Variants in SLIT1 observed in about 807,000 individuals in gnomAD.
The protein encoded by SLIT1 is slit homolog 1 protein.
Under a neutral mutation model 186.1 loss-of-function variants are expected in SLIT1, and 66 were observed. That is an observed-to-expected ratio of 0.35 (90% confidence interval 0.29 to 0.44). The LOEUF (loss-of-function observed/expected upper bound fraction) is 0.44. Among genes scored for constraint, SLIT1 ranks in the 20% least tolerant of loss-of-function variants. The pLI is 1.00. For synonymous variants in SLIT1, 761 were observed against 833.8 expected, an observed-to-expected ratio of 0.91 and a Z score of 1.50; for missense variants, 1,638 against 2,037.4, an observed-to-expected ratio of 0.80 and a Z score of 3.77.
intron 35 of SLIT1, among the ~76,000 whole-genome samples, 163 bp downstream of exon 35, chr10:97,002,541 T>C (rs748658974): frequency 6.6e-6 from 1 of 151,382 alleles, no homozygotes; most frequent in Non-Finnish European, 1.5e-5. Context: ...TGTGTCCCTA[T>C]AGGCCTTGTC....
intron 4 of SLIT1, among the ~76,000 whole-genome samples, chr10:97,116,080 A>T (rs1299722943): frequency 1.3e-5 from 2 of 152,172 alleles, no homozygotes; most frequent in African/African-American, 2.4e-5. Flanking sequence ...TCTGAGCTTA[A>T]TGTAAAAGTA....
chr10:97,097,053 C>T (rs891856445), intron 4 of SLIT1, among the ~76,000 whole-genome samples: 30 of 152,280 alleles, frequency 2.0e-4, no homozygotes, highest in African/African-American at 5.5e-4. Flanking sequence ...GAGTGCACAG[C>T]GCCTGGCACC....
intron 1 of SLIT1, among the ~76,000 whole-genome samples, chr10:97,165,908 C>T (rs1282156447): frequency 6.6e-6 from 1 of 152,162 alleles, no homozygotes; most frequent in Non-Finnish European, 1.5e-5. Context: ...CGCTCAGCCT[C>T]ACCAAGGCAG....
intron 11 of SLIT1, among the ~76,000 whole-genome samples, chr10:97,057,547 G>A (rs927656279): frequency 7.9e-5 from 12 of 152,354 alleles, no homozygotes; most frequent in Admixed American, 3.3e-4. Flanking sequence ...CTGCTTCACC[G>A]CCCTCACACG....
intron 1 of SLIT1, among the ~76,000 whole-genome samples, chr10:97,181,345 C>T (rs1850335794): frequency 6.6e-6 from 1 of 152,244 alleles, no homozygotes; most frequent in African/African-American, 2.4e-5. Flanking sequence ...GGTCACCATC[C>T]AATTATTATT....
In SLIT1 at chr10:97,010,208, G is replaced by T. The variant is rs1422732239; in HGVS notation, c.3341+785C>A. On this transcript the variant is annotated intron_variant, in intron 31 of 36. Coordinates refer to ENST00000266058, the MANE Select transcript of SLIT1 (RefSeq NM_003061.3). This position sits in a 1 kb window ranked among gnomAD's most constrained non-coding sequence, Gnocchi z 4.8. ...AAACAAAATGTGGTATGTCCATACG[G>T]CAGAACACTGTTTAGCCATAAGAAG... 2.0e-5 allele frequency among the ~76,000 whole-genome samples: 3 copies of T among 152,226 alleles called. No homozygotes were observed. The highest frequency in any genetic ancestry group is 7.2e-5 in the African/African-American group (3 of 41,462).
At chr10:97,078,782 C>T (rs1456131723) in intron 4 of SLIT1, among the ~76,000 whole-genome samples, 1 of 152,234 alleles carries the variant, frequency 6.6e-6, no homozygotes, top group Non-Finnish European at 1.5e-5. Context: ...CATGTGAACA[C>T]CAGGGCGAGG....
At chr10:97,037,251 T>C (rs1848648889) in intron 22 of SLIT1, among the ~76,000 whole-genome samples, 1 of 152,008 alleles carries the variant, frequency 6.6e-6, no homozygotes, top group African/African-American at 2.4e-5. Context: ...TGTGCCACCA[T>C]GCCCGGCTAA....
chr10:97,172,230 G>A (rs763455817), intron 1 of SLIT1, among the ~76,000 whole-genome samples: 1 of 152,012 alleles, frequency 6.6e-6, no homozygotes, highest in Non-Finnish European at 1.5e-5. Context: ...ATTTTTAGTA[G>A]AGGCAGGGTT....
chr10:97,057,399 C>T, intron 11 of SLIT1, 118 bp from the exon 12 acceptor site: 1 of 695,330 alleles, frequency 1.4e-6, no homozygotes, highest in East Asian at 2.6e-5. Flanking sequence ...TGGAGCACAT[C>T]CTAATGGTGT....
rs372573913 is a variant in SLIT1 at position 97,151,407 on chromosome 10, G to A, written c.413+6411C>T. 4.6e-5 allele frequency among the ~76,000 whole-genome samples: 7 copies of A among 151,904 alleles called. No homozygotes were observed. In the South Asian group the frequency reaches 1.0e-3, roughly 23 times the overall value. On this transcript the variant is annotated intron_variant, in intron 4 of 36. Coordinates refer to ENST00000266058, the MANE Select transcript of SLIT1 (RefSeq NM_003061.3). ...GGGAGAGTGGATGGATAGGCAGGTG[G>A]TGAGTGGGTGGGGAGTGCTGGATGG...
intron 1 of SLIT1, among the ~76,000 whole-genome samples, chr10:97,166,608 AAAG>A (rs1850119091): frequency 2.6e-5 from 2 of 75,598 alleles, no homozygotes; most frequent in Non-Finnish European, 5.4e-5. Flanking sequence ...AGAAAGAAAG[AAAG>A]AAAGAAAGAA....
In SLIT1 at chr10:97,056,380, G is replaced by T; in HGVS notation, c.1242C>A (p.Asp414Glu). ...LQNLSLLSLY[D>E]NKIQSLAKGT... ...CCTTGGCGAGGCTCTGGATCTTGTTGTCATACAGGGAGAGCAGTGAGAGGT... is the reference window on the plus strand; with the variant it reads ...CCTTGGCGAGGCTCTGGATCTTGTTTTCATACAGGGAGAGCAGTGAGAGGT... Residue 414 changes from aspartate (D) to glutamate (E), a missense_variant, in exon 13 of 37, where the codon GAC becomes GAA. This residue lies in a region of SLIT1 where 1,245 missense variants were observed against 1,535.3 expected (regional missense o/e 0.81). Transcript: ENST00000266058. 1 of 1,614,214 alleles carries T rather than the reference G, an allele frequency of 6.2e-7. No homozygotes were observed. Among genetic ancestry groups the T allele is most frequent in the Non-Finnish European group, 8.5e-7 (1 of 1,180,030 alleles).
chr10:97,074,844 G>A (rs1208130515), intron 4 of SLIT1, among the ~76,000 whole-genome samples: 2 of 152,228 alleles, frequency 1.3e-5, no homozygotes, highest in Non-Finnish European at 2.9e-5. Context: ...CCTCTCCCAG[G>A]GCTGGAGGAG....
chr10:97,000,937 A>G lies in SLIT1; in HGVS notation c.*175T>C. 1.7e-6 allele frequency: 1 copy of G among 600,442 alleles called. No homozygotes were observed. The highest frequency in any genetic ancestry group is 2.8e-5 in the East Asian group (1 of 35,930). 37.2% of individuals were successfully genotyped at this position (600,442 alleles called of 1,614,324 possible). Reference sequence around the variant, plus strand: ...TCGCCCACCCCCGCTGCCCCCAGCTATGGCGCAATTTGCTTTTAAAAGGCT... The same window carrying G: ...TCGCCCACCCCCGCTGCCCCCAGCTGTGGCGCAATTTGCTTTTAAAAGGCT... On this transcript the variant is annotated 3_prime_UTR_variant, in exon 37 of 37. Transcript: ENST00000266058.
At chr10:97,054,031 G>T (rs1410148971) in intron 13 of SLIT1, among the ~76,000 whole-genome samples, 3 of 152,006 alleles carry the variant, frequency 2.0e-5, no homozygotes, top group African/African-American at 4.8e-5. Flanking sequence ...AATTTATAAA[G>T]AAAAGAGGTT....
chr10:97,049,181 C>A, intron 13 of SLIT1, 63 bp from the exon 14 acceptor site: 2 of 1,551,752 alleles, frequency 1.3e-6, no homozygotes, highest in South Asian at 1.2e-5. Flanking sequence ...TGACCTCCAC[C>A]GGGACAGGGC....
intron 3 of SLIT1, among the ~76,000 whole-genome samples, chr10:97,160,500 A>T (rs1468225335): frequency 6.6e-6 from 1 of 152,176 alleles, no homozygotes; most frequent in Non-Finnish European, 1.5e-5. Flanking sequence ...CCCTTTGGAA[A>T]ATCTCACTCC....
chr10:97,119,913 G>GTAGATATATATA (rs1849543537), intron 4 of SLIT1, among the ~76,000 whole-genome samples: 1 of 56,510 alleles, frequency 1.8e-5, no homozygotes, highest in Non-Finnish European at 3.7e-5. Flanking sequence ...TTCCAAAGGG[G>GTAGATATATATA]TATATATATA....
Sources: gnomAD v4.1 joint callset for allele counts (sites outside exome capture counted in the v4.1 genomes callset) on GRCh38, gnomAD v4.1.1 for gene constraint, gnomAD v4.1.1 regional missense constraint, Gnocchi (gnomAD v3.1) non-coding constraint, MANE v1.5 for transcripts, NCBI Gene and HGNC (gene_info 2026-07-23, HGNC 2026-07-21) for gene names.